The following PPP4R2 variants were observed in gnomAD, a reference collection of about 807,000 sequenced individuals.
The protein encoded by PPP4R2 is serine/threonine-protein phosphatase 4 regulatory subunit 2.
Under a neutral mutation model 47.2 loss-of-function variants are expected in PPP4R2, and 13 were observed. That is an observed-to-expected ratio of 0.28 (90% CI 0.18 to 0.44). The LOEUF is 0.44. Among genes scored for constraint, PPP4R2 ranks in the 20% least tolerant of loss-of-function variants. The pLI is 1.00. For missense variants in PPP4R2, 421 were observed against 491.2 expected, an observed-to-expected ratio of 0.86 and a Z score of 1.35; for synonymous variants, 151 against 163.3, an observed-to-expected ratio of 0.92 and a Z score of 0.57.
At chr3:73,049,096 GA>G (rs540276949) in intron 3 of PPP4R2, among the ~76,000 whole-genome samples, 4 of 151,324 alleles carry the variant, frequency 2.6e-5, no homozygotes, top group African/African-American at 7.3e-5. Flanking sequence ...TCAGAAAAAG[GA>G]AAAAAAACAT....
chr3:73,038,404 C>T (rs1014578610), intron 2 of PPP4R2, among the ~76,000 whole-genome samples: 4 of 151,118 alleles, frequency 2.6e-5, no homozygotes, highest in Non-Finnish European at 5.9e-5. Context: ...GAGATGGAGT[C>T]TCACTCTGTC....
intron 3 of PPP4R2, among the ~76,000 whole-genome samples, chr3:73,052,197 C>G (rs1212387965): frequency 6.8e-6 from 1 of 148,068 alleles, no homozygotes; most frequent in Non-Finnish European, 1.5e-5. Context: ...TCTATTTTGT[C>G]TATTGAGGCA....
chr3:73,049,790 TTTA>T (rs1702571723), intron 3 of PPP4R2, among the ~76,000 whole-genome samples: 1 of 150,632 alleles, frequency 6.6e-6, no homozygotes, highest in Non-Finnish European at 1.5e-5. Flanking sequence ...TTGTGTATTA[TTTA>T]TTACATAAAT....
intron 2 of PPP4R2, among the ~76,000 whole-genome samples, chr3:73,006,837 T>C (rs1434182668): frequency 1.3e-5 from 2 of 152,226 alleles, no homozygotes; most frequent in Non-Finnish European, 2.9e-5. Context: ...TTGGCTATTT[T>C]ATGATTCTCC....
chr3:73,012,047 G>A (rs982737734), intron 2 of PPP4R2, among the ~76,000 whole-genome samples: 1 of 152,122 alleles, frequency 6.6e-6, no homozygotes, highest in Non-Finnish European at 1.5e-5. Flanking sequence ...GGCAAAGTAC[G>A]GTTGTCCCTT....
At chr3:73,015,327 G>GT (rs1425711952) in intron 2 of PPP4R2, among the ~76,000 whole-genome samples, 1 of 151,704 alleles carries the variant, frequency 6.6e-6, no homozygotes, top group Non-Finnish European at 1.5e-5. Context: ...TTACAGGTGT[G>GT]TATCATGCCC....
rs1703038294 is a variant in PPP4R2, at chr3:73,068,135, TG to T, written c.*2414del. Reference sequence around the variant, plus strand: ...TCATAGGTGCACTTAACACAGACTTTGCTTAATGAAAATGTCAGTTCTAATA... The same window carrying T: ...TCATAGGTGCACTTAACACAGACTTTCTTAATGAAAATGTCAGTTCTAATA... On this transcript the variant is annotated 3_prime_UTR_variant, in exon 9 of 9. Transcript: ENST00000356692. 6.6e-6 allele frequency: 1 copy of T among 152,186 alleles called. No individual in the cohort carries two copies. The highest frequency in any genetic ancestry group is 2.4e-5 in the African/African-American group (1 of 41,450). The allele number at this position is 152,186 out of a possible 1,614,324, so 9.4% of individuals were successfully genotyped here. A position where few individuals can be genotyped will look rare whatever the true frequency, so the allele number is the denominator to read the frequency against.
chr3:73,007,187 A>G lies in PPP4R2; in HGVS notation c.116+9029A>G, dbSNP rs116949885. Among the ~76,000 whole-genome samples the G allele has an allele frequency of 2.1e-4, 32 of 152,268 alleles. 1 individual carries two copies. The East Asian group carries it at 6.2e-3, about 29-fold the overall frequency. On this transcript the variant is annotated intron_variant, in intron 2 of 8. Transcript: ENST00000356692. The stretch of plus-strand genomic sequence containing the variant: ...AGTGTGGGCAGGCAATACATAGGAA[A>G]CTCAGCACAGTGCTTGGTATGCAGA...
Position 73,063,718 on chromosome 3 carries a change from T to C in PPP4R2, c.465T>C (p.Phe155=), listed in dbSNP as rs1702923260. 6.3e-7 allele frequency: 1 copy of C among 1,596,126 alleles called. No individual in the cohort carries two copies. Among genetic ancestry groups the C allele is most frequent in the South Asian group, 1.1e-5 (1 of 90,694 alleles). The change falls in exon 6 of 9, where the codon TTT becomes TTC. Residue 155 remains phenylalanine (F), a synonymous_variant. Coordinates refer to ENST00000356692, the MANE Select transcript of PPP4R2 (RefSeq NM_174907.4). ...NSLNRMNGVM[F]PGNSPSYTER... ...TAAATCGAATGAATGGTGTTATGTT[T>C]CCTGGAAATTCACCAAGCTATACTG...
At chr3:73,034,434 C>A (rs1702225995) in intron 2 of PPP4R2, among the ~76,000 whole-genome samples, 1 of 152,214 alleles carries the variant, frequency 6.6e-6, no homozygotes, top group African/African-American at 2.4e-5. Flanking sequence ...CACATATTTT[C>A]CTCCAATTTC....
At chr3:73,042,356 A>T (rs1426148003) in intron 2 of PPP4R2, among the ~76,000 whole-genome samples, 1 of 131,090 alleles carries the variant, frequency 7.6e-6, no homozygotes, top group East Asian at 2.3e-4. Flanking sequence ...GCCTGAATAT[A>T]ATTTCTTTTT....
At chr3:73,059,529 A>G (rs1702798354) in intron 4 of PPP4R2, among the ~76,000 whole-genome samples, 1 of 152,206 alleles carries the variant, frequency 6.6e-6, no homozygotes, top group Non-Finnish European at 1.5e-5. Context: ...GGTGCCAAGC[A>G]TGTAAATGAG....
At chr3:73,016,500 G>A (rs900474390) in intron 2 of PPP4R2, among the ~76,000 whole-genome samples, 7 of 152,094 alleles carry the variant, frequency 4.6e-5, no homozygotes, top group African/African-American at 1.7e-4. Context: ...ATAGGAGAAA[G>A]CATACCTGAA....
intron 4 of PPP4R2, among the ~76,000 whole-genome samples, chr3:73,059,922 G>C (rs983643084): frequency 7.0e-6 from 1 of 142,290 alleles, no homozygotes; most frequent in Admixed American, 7.1e-5. Flanking sequence ...GCAACAAAGT[G>C]AGACTCTGTC....
chr3:73,063,410 G>A (rs1345811369), intron 5 of PPP4R2: 2 of 325,714 alleles, frequency 6.1e-6, no homozygotes, highest in African/African-American at 4.5e-5. Flanking sequence ...GATCACTTGA[G>A]GTCATGAGTT....
chr3:72,999,814 G>C (rs1027765343), intron 2 of PPP4R2, among the ~76,000 whole-genome samples: 2 of 152,114 alleles, frequency 1.3e-5, no homozygotes, highest in Non-Finnish European at 2.9e-5. Context: ...TGAAATGATT[G>C]GTGTAGTTAG....
chr3:73,064,732 G>A (rs1702949379), intron 7 of PPP4R2, 120 bp from the exon 8 acceptor site: 6 of 837,908 alleles, frequency 7.2e-6, no homozygotes, highest in Non-Finnish European at 9.5e-6. Context: ...CTTTGTTCAG[G>A]TGTTATAATT....
intron 2 of PPP4R2, among the ~76,000 whole-genome samples, chr3:73,041,957 T>C (rs996786066): frequency 1.2e-4 from 18 of 152,186 alleles, no homozygotes; most frequent in African/African-American, 4.3e-4. Context: ...AGCACCAGGA[T>C]ATATTTATTA....
chr3:73,064,172 AGT>A, intron 7 of PPP4R2, 26 bp downstream of exon 7: 1 of 1,576,232 alleles, frequency 6.3e-7, no homozygotes, highest in Non-Finnish European at 8.6e-7. Context: ...ATTTAAAAAC[AGT>A]GTTTTTATTA....
Sources: allele counts gnomAD v4.1 joint callset (sites outside exome capture counted in the v4.1 genomes callset), GRCh38; gene constraint gnomAD v4.1.1; transcripts MANE v1.5; gene names NCBI Gene and HGNC (gene_info 2026-07-23, HGNC 2026-07-21).